The following JADE1 variants were observed in gnomAD, a reference collection of about 807,000 sequenced individuals.
JADE1 encodes the protein jade family PHD finger 1, also known as protein Jade-1.
Under a neutral mutation model 81.8 loss-of-function variants are expected in JADE1, and 14 were observed. The ratio of observed to expected loss-of-function variants is 0.17; its 90% CI spans 0.11 to 0.27. The LOEUF is 0.27. Among genes scored for constraint, JADE1 ranks in the 10% least tolerant of loss-of-function variants. JADE1 has a pLI of 1.00. For synonymous variants in JADE1, 353 were observed against 391.9 expected (o/e 0.90, Z 1.17); for missense variants, 690 against 1,047.9 (o/e 0.66, Z 4.71).
chr4:128,825,190 C>G (rs150847890), intron 1 of JADE1, among the ~76,000 whole-genome samples: 1 of 152,158 alleles, frequency 6.6e-6, no homozygotes, highest in Non-Finnish European at 1.5e-5. Flanking sequence ...CAGGAATACA[C>G]CACCAAACCT....
Position 128,871,841 on chromosome 4 carries a change from C to T in JADE1, c.2108C>T (p.Ser703Phe). ...CTGGACAACACAAGAGCTGCCACCT[C>T]CCCTGGAGTGGGGCAGTCAGCACCT... Reference protein sequence around the residue: ...RHLDNTRAATSPGVGQSAPGT... With the variant: ...RHLDNTRAATFPGVGQSAPGT... The change falls in exon 11 of 11, where the codon TCC becomes TTC. Residue 703 changes from serine (S) to phenylalanine (F), a missense_variant. Physicochemically the swap from Ser to Phe is radical, Grantham distance 155. Transcript: ENST00000226319. The surrounding 1 kb of genome is among the most constrained non-coding windows in gnomAD (Gnocchi z 4.1). 2 of 1,614,048 alleles carry T rather than the reference C, an allele frequency of 1.2e-6. No homozygotes were observed. The highest frequency in any genetic ancestry group is 1.7e-6 in the Non-Finnish European group (2 of 1,179,938).
intron 9 of JADE1, chr4:128,862,471 T>C: frequency 7.3e-7 from 1 of 1,379,298 alleles, no homozygotes; most frequent in African/African-American, 1.5e-5. Flanking sequence ...TTCCCATTAA[T>C]CTTTACTGTT....
At chr4:128,812,411 C>T (rs1726532768) in intron 1 of JADE1, among the ~76,000 whole-genome samples, 1 of 151,856 alleles carries the variant, frequency 6.6e-6, no homozygotes, top group Non-Finnish European at 1.5e-5. Flanking sequence ...TTCGCCGCTG[C>T]GGGGCGGCGG....
intron 1 of JADE1, among the ~76,000 whole-genome samples, chr4:128,813,407 CTTTTTTTTTT>C (rs72296886): frequency 3.5e-5 from 4 of 115,558 alleles, no homozygotes; most frequent in African/African-American, 6.7e-5. Flanking sequence ...CTTACGGTCA[CTTTTTTTTTT>C]TTTTTTTTTT....
chr4:128,871,243 G>A lies in JADE1; in HGVS notation c.1622-112G>A, dbSNP rs1732169950. 8 of 1,034,332 alleles carry A rather than the reference G, an allele frequency of 7.7e-6. No individual in the cohort carries two copies. The highest frequency in any genetic ancestry group is 1.1e-5 in the Non-Finnish European group (8 of 704,764). 64.1% of individuals were successfully genotyped at this position (1,034,332 alleles called of 1,614,324 possible). ...ACAAACTTGGTGGTGTAAGTGTTGT[G>A]TTGTTGGGTGGGGAGTTCACATCAA... On this transcript the variant is annotated intron_variant, in intron 10 of 10. Transcript: ENST00000226319. The surrounding 1 kb of genome is among the most constrained non-coding windows in gnomAD (Gnocchi z 4.1).
chr4:128,827,711 G>A (rs1728196795), intron 1 of JADE1: 1 of 164,550 alleles, frequency 6.1e-6, no homozygotes, highest in African/African-American at 2.4e-5. Context: ...TTGGAAGTGG[G>A]AAGAGATCAT....
chr4:128,861,862 G>A lies in JADE1; in HGVS notation c.1140G>A (p.Lys380=). Residue 380 remains lysine, a synonymous_variant, in exon 9 of 11, where the codon AAG becomes AAA. Coordinates refer to ENST00000226319, the MANE Select transcript of JADE1 (RefSeq NM_199320.4). ...GGAAACCCGAGGAGAGTCTTGGCAAGGGGGCTGCACAGGAGAATGGGGCCC... is the reference window on the plus strand; with the variant it reads ...GGAAACCCGAGGAGAGTCTTGGCAAAGGGGCTGCACAGGAGAATGGGGCCC... The part of the protein sequence containing the change: ...SHRKPEESLG[K]GAAQENGAPE... The A allele has an allele frequency of 6.2e-7, 1 of 1,614,178 alleles. No individual in the cohort carries two copies. The highest frequency in any genetic ancestry group is 8.5e-7 in the Non-Finnish European group (1 of 1,180,010).
intron 1 of JADE1, among the ~76,000 whole-genome samples, chr4:128,830,956 C>T (rs902103242): frequency 1.3e-5 from 2 of 152,144 alleles, no homozygotes; most frequent in East Asian, 3.9e-4. Flanking sequence ...TACAAACTGA[C>T]TTCTTATTTT....
At chr4:128,853,042 T>C (rs1351206220) in intron 6 of JADE1, among the ~76,000 whole-genome samples, 3 of 151,396 alleles carry the variant, frequency 2.0e-5, no homozygotes, top group African/African-American at 7.3e-5. Flanking sequence ...ACTGCAGGAG[T>C]GTGCCACCAC....
chr4:128,832,025 C>G (rs1251557898), intron 2 of JADE1, among the ~76,000 whole-genome samples: 2 of 152,214 alleles, frequency 1.3e-5, no homozygotes, highest in African/African-American at 2.4e-5. Context: ...ATTCCTGAGG[C>G]TTCCTATTTG....
At chr4:128,825,142 C>G (rs1020834491) in intron 1 of JADE1, among the ~76,000 whole-genome samples, 1 of 152,118 alleles carries the variant, frequency 6.6e-6, no homozygotes, top group African/African-American at 2.4e-5. Flanking sequence ...CGGGTTCAAG[C>G]GATTCTCCTG....
chr4:128,814,020 A>G (rs1226144034), intron 1 of JADE1, among the ~76,000 whole-genome samples: 1 of 151,632 alleles, frequency 6.6e-6, no homozygotes, highest in Non-Finnish European at 1.5e-5. Flanking sequence ...GCTTTAACAA[A>G]GGTAGATATG....
chr4:128,862,016 A>G lies in JADE1; in HGVS notation c.1294A>G (p.Asn432Asp). 1.9e-6 allele frequency: 3 copies of G among 1,614,174 alleles called. No homozygotes were observed. Among genetic ancestry groups the G allele is most frequent in the Non-Finnish European group, 1.7e-6 (2 of 1,180,030 alleles). Residue 432 changes from asparagine (N) to aspartate (D), a missense_variant, in exon 9 of 11, where the codon AAC (asparagine) becomes GAC (aspartate). This residue lies in a region of JADE1 where 63 missense variants were observed against 138.4 expected (regional missense o/e 0.46). Transcript: ENST00000226319. ...GGAGGATGAGTTCTACACCTTCGTC[A>G]ACCTGCTGGATGTTGCCAGGGCTCT... ...QLEDEFYTFV[N>D]LLDVARALRL...
chr4:128,830,979 G>T (rs4975269), intron 1 of JADE1, among the ~76,000 whole-genome samples: 119,551 of 152,086 alleles, frequency 0.79, 47,745 homozygotes, highest in South Asian at 0.91. Context: ...CTGGATTTGG[G>T]TCTATTTGTC....
chr4:128,810,586 G>T (rs1158845176), intron 1 of JADE1, among the ~76,000 whole-genome samples: 2 of 151,518 alleles, frequency 1.3e-5, no homozygotes, highest in Non-Finnish European at 2.9e-5. Context: ...TCCAGAGTGT[G>T]TGAGACCGTG....
chr4:128,824,061 A>G (rs1727817422), intron 1 of JADE1, among the ~76,000 whole-genome samples: 1 of 152,160 alleles, frequency 6.6e-6, no homozygotes, highest in South Asian at 2.1e-4. Flanking sequence ...TATGTTCAGT[A>G]ATTTAGGAAT....
At chr4:128,870,602 A>G (rs1165140710) in intron 10 of JADE1, among the ~76,000 whole-genome samples, 1 of 152,184 alleles carries the variant, frequency 6.6e-6, no homozygotes, top group African/African-American at 2.4e-5. Flanking sequence ...GTCAGAGTAC[A>G]TTATCAAATG....
rs1003612976 is a variant in JADE1 at position 128,874,002 on chromosome 4, C to T, written c.*1740C>T. 6.6e-6 allele frequency: 1 copy of T among 152,542 alleles called. No individual in the cohort carries two copies. Among genetic ancestry groups the T allele is most frequent in the African/African-American group, 2.4e-5 (1 of 41,422 alleles). 9.4% of individuals were successfully genotyped at this position (152,542 alleles called of 1,614,324 possible). A position where few individuals can be genotyped will look rare whatever the true frequency, so the allele number is the denominator to read the frequency against. ...TTCAAGGACATTTTAGTAGCTAATT[C>T]AGGGGAGGGGGAAGAATGATGCAGG... On this transcript the variant is annotated 3_prime_UTR_variant, in exon 11 of 11. Coordinates refer to ENST00000226319, the MANE Select transcript of JADE1 (RefSeq NM_199320.4).
Position 128,849,301 on chromosome 4 carries a change from G to A in JADE1, c.484+134G>A, listed in dbSNP as rs575673666. On this transcript the variant is annotated intron_variant, in intron 5 of 10. Coordinates refer to ENST00000226319, the MANE Select transcript of JADE1 (RefSeq NM_199320.4). Reference sequence around the variant, plus strand: ...ATCATAGCTTTAGTCAGTGAGAATCGCAGCCCTGCCTTAGATCTCAGCCTG... The same window carrying A: ...ATCATAGCTTTAGTCAGTGAGAATCACAGCCCTGCCTTAGATCTCAGCCTG... 82 of 708,476 alleles carry A rather than the reference G, an allele frequency of 1.2e-4. No individual in the cohort carries two copies. The South Asian group carries it at 1.2e-3, about 10-fold the overall frequency. The allele number at this position is 708,476 out of a possible 1,614,324, so 43.9% of individuals were successfully genotyped here.
Sources: allele counts gnomAD v4.1 joint callset (sites outside exome capture counted in the v4.1 genomes callset), GRCh38; gene constraint gnomAD v4.1.1; regional missense constraint gnomAD v4.1.1; non-coding constraint Gnocchi (gnomAD v3.1); transcripts MANE v1.5; gene names NCBI Gene and HGNC (gene_info 2026-07-23, HGNC 2026-07-21).